The following SDC4 variants were observed in gnomAD, a reference collection of about 807,000 sequenced individuals.
The protein encoded by SDC4 is syndecan-4.
SDC4 carries 17 observed loss-of-function variants against 20.5 expected under a neutral mutation model. That is an observed-to-expected ratio of 0.83 (90% CI 0.57 to 1.25). The LOEUF is 1.25. SDC4 is among the 50% of genes most tolerant of loss of function. The pLI, the probability that SDC4 is intolerant of heterozygous loss-of-function variation, is 0.00. For synonymous variants in SDC4, 107 were observed against 105.3 expected (o/e 1.02, Z -0.10); for missense variants, 241 against 252.3 (o/e 0.96, Z 0.30).
At chr20:45,332,033 C>T (rs1039461314) in intron 3 of SDC4, among the ~76,000 whole-genome samples, 7 of 151,948 alleles carry the variant, frequency 4.6e-5, no homozygotes, top group African/African-American at 1.5e-4. Context: ...GCCATTTTTC[C>T]GTCAATAAAG....
At chr20:45,344,216 T>C (rs1464239636) in intron 1 of SDC4, among the ~76,000 whole-genome samples, 4 of 152,138 alleles carry the variant, frequency 2.6e-5, no homozygotes, top group African/African-American at 9.7e-5. Flanking sequence ...GGCTGCACAA[T>C]GTACAATGTC....
chr20:45,333,195 T>G, intron 2 of SDC4, 126 bp from the exon 3 acceptor site: 3 of 822,598 alleles, frequency 3.6e-6, no homozygotes, highest in Non-Finnish European at 6.2e-6. Flanking sequence ...GCAAGCGAGC[T>G]TCCCCACCCC....
intron 1 of SDC4, among the ~76,000 whole-genome samples, chr20:45,340,692 G>A (rs1256734093): frequency 6.6e-6 from 1 of 152,250 alleles, no homozygotes; most frequent in Non-Finnish European, 1.5e-5. Context: ...CCCCAGGGGA[G>A]GTAGGGTCGG....
In SDC4 at chr20:45,330,536, C is replaced by G. The variant is rs2853897; in HGVS notation, c.275G>C (p.Arg92Thr). The G allele has an allele frequency of 6.2e-7, 1 of 1,614,018 alleles. No homozygotes were observed. Among genetic ancestry groups the G allele is most frequent in the Non-Finnish European group, 8.5e-7 (1 of 1,180,024 alleles). ...GGGGACTTGGCTCCCAGACCCTGCCCTCTCAGGGATATGGTTATCTAGAGG... is the reference window on the plus strand; with the variant it reads ...GGGGACTTGGCTCCCAGACCCTGCCGTCTCAGGGATATGGTTATCTAGAGG... The part of the protein sequence containing the change: ...LVPLDNHIPE[R>T]AGSGSQVPTE... Residue 92 changes from arginine (R) to threonine (T), a missense_variant, in exon 4 of 5, where the codon AGG becomes ACG. Coordinates refer to ENST00000372733, the MANE Select transcript of SDC4 (RefSeq NM_002999.4).
chr20:45,341,737 T>C (rs2267869), intron 1 of SDC4, among the ~76,000 whole-genome samples: 77,892 of 151,784 alleles, frequency 0.51, 20,014 homozygotes, highest in Admixed American at 0.58. Context: ...TGGCACTGCC[T>C]GCAACCAGCT....
intron 4 of SDC4, among the ~76,000 whole-genome samples, chr20:45,328,812 T>C (rs1987733339): frequency 6.6e-6 from 1 of 152,060 alleles, no homozygotes; most frequent in African/African-American, 2.4e-5. Flanking sequence ...TAAAATCCTA[T>C]GAAAAAGCAA....
intron 2 of SDC4, among the ~76,000 whole-genome samples, chr20:45,334,513 A>G (rs1987831826): frequency 6.6e-6 from 1 of 151,940 alleles, no homozygotes; most frequent in African/African-American, 2.4e-5. Context: ...TTTTCAAGAC[A>G]GAGTCTTGCT....
chr20:45,332,982 G>C (rs1231578112), intron 3 of SDC4, 41 bp downstream of exon 3: 4 of 1,595,114 alleles, frequency 2.5e-6, no homozygotes, highest in South Asian at 1.1e-5. Flanking sequence ...GTCTGCTATA[G>C]AGGAGCAAAG....
At position 45,326,262 on chromosome 20, in the gene SDC4, A is replaced by C. The variant is rs1003172173; in HGVS notation, c.*1002T>G. On this transcript the variant is annotated 3_prime_UTR_variant, in exon 5 of 5. Transcript: ENST00000372733. ...ATTTTATAAGAGGAAGCAGCTTCAG[A>C]AAGGGCCAAGGCCATGAGGAGCGGG... 6.8e-6 allele frequency: 1 copy of C among 148,106 alleles called. No homozygotes were observed. Among genetic ancestry groups the C allele is most frequent in the Admixed American group, 6.8e-5 (1 of 14,666 alleles). The allele number at this position is 148,106 out of a possible 1,614,324, so 9.2% of individuals were successfully genotyped here.
Position 45,325,726 on chromosome 20 carries a change from T to C in SDC4, c.*1538A>G, listed in dbSNP as rs1489232073. The C allele has an allele frequency of 6.6e-6, 1 of 151,018 alleles. No individual in the cohort carries two copies. The highest frequency in any genetic ancestry group is 1.5e-5 in the Non-Finnish European group (1 of 68,018). 9.4% of individuals were successfully genotyped at this position (151,018 alleles called of 1,614,324 possible). ...CTCTAGAATAGTGCTGTCCAACAGA[T>C]GGACATGCTCTCGCTGTCAGTACAG... On this transcript the variant is annotated 3_prime_UTR_variant, in exon 5 of 5. Transcript: ENST00000372733.
intron 2 of SDC4, among the ~76,000 whole-genome samples, chr20:45,334,021 G>C (rs1415658999): frequency 6.7e-6 from 1 of 149,650 alleles, no homozygotes; most frequent in Non-Finnish European, 1.5e-5. Flanking sequence ...TTGAGACAGA[G>C]TCTCTCTCTG....
intron 1 of SDC4, among the ~76,000 whole-genome samples, chr20:45,343,060 G>C (rs2145717017): frequency 6.6e-6 from 1 of 152,214 alleles, no homozygotes; most frequent in East Asian, 1.9e-4. Context: ...GCTAGGACGG[G>C]GGCTGGAGTT....
At chr20:45,337,989 C>A (rs1398890303) in intron 1 of SDC4, among the ~76,000 whole-genome samples, 2 of 152,248 alleles carry the variant, frequency 1.3e-5, no homozygotes, top group Non-Finnish European at 2.9e-5. Flanking sequence ...ATAGCCCGTG[C>A]CTGTGGCTTT....
At chr20:45,333,121 A>C in intron 2 of SDC4, 52 bp from the exon 3 acceptor site, 1 of 1,563,672 alleles carries the variant, frequency 6.4e-7, no homozygotes, top group Non-Finnish European at 8.8e-7. Flanking sequence ...CAGGAAAATG[A>C]CCCCTTCAGC....
At chr20:45,337,670 G>C (rs1402459172) in intron 1 of SDC4, among the ~76,000 whole-genome samples, 2 of 152,216 alleles carry the variant, frequency 1.3e-5, no homozygotes, top group African/African-American at 4.8e-5. Flanking sequence ...GCCCAGGAAA[G>C]CTGCTTCAGA....
chr20:45,328,675 T>A (rs574310938), intron 4 of SDC4, among the ~76,000 whole-genome samples: 5 of 152,294 alleles, frequency 3.3e-5, no homozygotes, highest in African/African-American at 1.2e-4. Flanking sequence ...CTGTGGCAGA[T>A]TGAGTTCCCT....
At chr20:45,339,134 G>A (rs74515126) in intron 1 of SDC4, among the ~76,000 whole-genome samples, 4,783 of 152,290 alleles carry the variant, frequency 0.031, 249 homozygotes, top group African/African-American at 0.11. Context: ...ACCAAGCCCC[G>A]TGGGATTGTG....
chr20:45,335,679 T>A, intron 2 of SDC4, 103 bp downstream of exon 2: 1 of 1,256,502 alleles, frequency 8.0e-7, no homozygotes, highest in Non-Finnish European at 1.1e-6. Context: ...CTAGGAAAAG[T>A]CCCACAAAAA....
At position 45,335,265 on chromosome 20, in the gene SDC4, C is replaced by A. The variant is rs936381496; in HGVS notation, c.199+517G>T. Among the ~76,000 whole-genome samples the A allele has an allele frequency of 5.3e-5, 8 of 152,098 alleles. No homozygotes were observed. In the East Asian group the frequency reaches 1.5e-3, roughly 29 times the overall value. ...TGATCTTGGCTCACTGCAGCCCCAA[C>A]CTCCTAGGCTCAAGGGATCGTCCCA... is the stretch of plus-strand genomic sequence containing the variant. On this transcript the variant is annotated intron_variant, in intron 2 of 4. Coordinates refer to ENST00000372733, the MANE Select transcript of SDC4 (RefSeq NM_002999.4).
Sources: gnomAD v4.1 joint callset for allele counts (sites outside exome capture counted in the v4.1 genomes callset) on GRCh38, gnomAD v4.1.1 for gene constraint, MANE v1.5 for transcripts, NCBI Gene and HGNC (gene_info 2026-07-23, HGNC 2026-07-21) for gene names.